Variants in TMF1 observed in about 807,000 individuals in gnomAD.
The protein encoded by TMF1 is TATA element modulatory factor.
A neutral mutation model predicts 126.5 loss-of-function variants in TMF1; 71 were observed. That is an observed-to-expected ratio of 0.56 (90% CI 0.46 to 0.68). The LOEUF (loss-of-function observed/expected upper bound fraction) is 0.68, where lower values mean the gene tolerates loss of function less well. Among genes scored for constraint, TMF1 ranks in the 30% least tolerant of loss-of-function variants. The pLI is 0.00. For missense variants in TMF1, 1,259 were observed against 1,253.2 expected, an observed-to-expected ratio of 1.00 and a Z score of -0.07; for synonymous variants, 461 against 430.5, an observed-to-expected ratio of 1.07 and a Z score of -0.88.
intron 9 of TMF1, 107 bp downstream of exon 9, chr3:69,034,916 G>A: frequency 9.9e-7 from 1 of 1,009,744 alleles, no homozygotes; most frequent in Non-Finnish European, 1.5e-6. Flanking sequence ...TGCTAGGTGT[G>A]ACAGTAATCC....
Position 69,052,288 on chromosome 3 carries a change from G to C in TMF1, c.-202C>G. 3 of 475,834 alleles carry C rather than the reference G, an allele frequency of 6.3e-6. No individual in the cohort carries two copies. The highest frequency in any genetic ancestry group is 1.1e-5 in the Non-Finnish European group (3 of 271,088). The allele number at this position is 475,834 out of a possible 1,614,324, so 29.5% of individuals were successfully genotyped here. A position where few individuals can be genotyped will look rare whatever the true frequency, so the allele number is the denominator to read the frequency against. On this transcript the variant is annotated 5_prime_UTR_variant, in exon 1 of 17. Coordinates refer to ENST00000398559, the MANE Select transcript of TMF1 (RefSeq NM_007114.3). ...CACAGCTGAGACGAAGGGGGCCCAT[G>C]TGCGCATGCGCTTGCTTCTTCCACG...
chr3:69,030,183 C>A, intron 10 of TMF1, 176 bp from the exon 11 acceptor site: 1 of 487,082 alleles, frequency 2.1e-6, no homozygotes, highest in East Asian at 3.2e-5. Flanking sequence ...TTAACTTATA[C>A]CTGCTTTATC....
Position 69,048,796 on chromosome 3 carries a change from CA to C in TMF1, c.143-235del, listed in dbSNP as rs2091910796. The C allele has an allele frequency of 7.6e-6, 3 of 394,760 alleles. No individual in the cohort carries two copies. In the East Asian group the frequency reaches 1.3e-4, roughly 17 times the overall value. The allele number at this position is 394,760 out of a possible 1,614,324, so 24.5% of individuals were successfully genotyped here. The stretch of plus-strand genomic sequence containing the variant: ...ACCTGAGAGGAAGGAGGAGCACAGA[CA>C]AAAGACTGGGCCTGGCCTGGACTAC... On this transcript the variant is annotated intron_variant, in intron 1 of 16. Transcript: ENST00000398559.
At chr3:69,051,741 G>A (rs1171959891) in intron 1 of TMF1, among the ~76,000 whole-genome samples, 3 of 152,088 alleles carry the variant, frequency 2.0e-5, no homozygotes, top group African/African-American at 7.2e-5. Context: ...AAAGACAAGG[G>A]GGAACCTGGA....
Position 69,025,618 on chromosome 3 carries a change from A to G in TMF1, c.2954T>C (p.Ile985Thr). 1 of 1,614,108 alleles carries G rather than the reference A, an allele frequency of 6.2e-7. No individual in the cohort carries two copies. Among genetic ancestry groups the G allele is most frequent in the Non-Finnish European group, 8.5e-7 (1 of 1,179,978 alleles). Reference protein sequence around the residue: ...DAVRMGAGSSIIENLQSQLKL... With the variant: ...DAVRMGAGSSTIENLQSQLKL... ...TAGCTGAGACTGTAGGTTTTCAATTATGCTTGATCCTGCTCCCATCCTTAC... is the reference window on the plus strand; with the variant it reads ...TAGCTGAGACTGTAGGTTTTCAATTGTGCTTGATCCTGCTCCCATCCTTAC... Residue 985 changes from isoleucine (I) to threonine (T), a missense_variant, in exon 15 of 17, where the codon ATA (isoleucine) becomes ACA (threonine). Transcript: ENST00000398559.
intron 6 of TMF1, among the ~76,000 whole-genome samples, chr3:69,039,272 C>A (rs1395497429): frequency 6.6e-6 from 1 of 151,950 alleles, no homozygotes; most frequent in African/African-American, 2.4e-5. Context: ...TAGGTTGGTG[C>A]AGTATTTTTA....
chr3:69,024,239 G>C, intron 15 of TMF1, 59 bp from the exon 16 acceptor site: 1 of 1,220,494 alleles, frequency 8.2e-7, no homozygotes, highest in Non-Finnish European at 1.1e-6. Context: ...AATACTCCCA[G>C]TAATATAAAA....
intron 1 of TMF1, 77 bp from the exon 2 acceptor site, chr3:69,048,639 A>G: frequency 7.8e-7 from 1 of 1,284,788 alleles, no homozygotes; most frequent in Non-Finnish European, 1.0e-6. Context: ...ATAAATCAGT[A>G]TAAATATAAA....
intron 13 of TMF1, among the ~76,000 whole-genome samples, chr3:69,027,170 A>T (rs1465221657): frequency 6.6e-6 from 1 of 151,868 alleles, no homozygotes; most frequent in Non-Finnish European, 1.5e-5. Context: ...TAATTTTTGT[A>T]TTTTTAGTAG....
At chr3:69,029,677 G>C (rs565799521) in intron 11 of TMF1, 138 bp downstream of exon 11, 1 of 729,818 alleles carries the variant, frequency 1.4e-6, no homozygotes, top group Non-Finnish European at 2.2e-6. Context: ...CTGACCTCAA[G>C]TGATCCGCCC....
chr3:69,024,303 T>C, intron 15 of TMF1, 123 bp from the exon 16 acceptor site: 1 of 867,176 alleles, frequency 1.2e-6, no homozygotes, highest in Non-Finnish European at 1.7e-6. Flanking sequence ...CATGTCAACA[T>C]ATAACCTTGA....
At chr3:69,029,520 C>G (rs1362545520) in intron 11 of TMF1, among the ~76,000 whole-genome samples, 2 of 151,684 alleles carry the variant, frequency 1.3e-5, no homozygotes, top group Admixed American at 1.3e-4. Context: ...TCTTGGCTCA[C>G]TGCAACTTCC....
At chr3:69,030,526 A>G in intron 10 of TMF1, 1 of 152,420 alleles carries the variant, frequency 6.6e-6, no homozygotes. Context: ...AAGAGGATGA[A>G]AAGGCAAACT....
At chr3:69,039,436 T>C in intron 6 of TMF1, 115 bp downstream of exon 6, 3 of 1,180,100 alleles carry the variant, frequency 2.5e-6, no homozygotes, top group Non-Finnish European at 3.5e-6. Context: ...GTTTGAAAAA[T>C]CCTTCTTACA....
In TMF1 at chr3:69,042,791, C is replaced by A. The variant is rs748901427; in HGVS notation, c.1684+16G>T. Reference sequence around the variant, plus strand: ...TCTTACAGTATTTTTCATAGTCAACCAAATACTATACGCACCTTCTTCCAT... The same window carrying A: ...TCTTACAGTATTTTTCATAGTCAACAAAATACTATACGCACCTTCTTCCAT... On this transcript the variant is annotated intron_variant, in intron 5 of 16. Coordinates refer to ENST00000398559, the MANE Select transcript of TMF1 (RefSeq NM_007114.3). The A allele has an allele frequency of 2.2e-5, 35 of 1,598,764 alleles. No homozygotes were observed. Among genetic ancestry groups the A allele is most frequent in the South Asian group, 4.4e-5 (4 of 90,446 alleles).
Position 69,026,003 on chromosome 3 carries a change from A to G in TMF1, c.2852T>C (p.Leu951Pro), listed in dbSNP as rs771294958. The G allele has an allele frequency of 1.2e-6, 2 of 1,610,764 alleles. No homozygotes were observed. Among genetic ancestry groups the G allele is most frequent in the South Asian group, 1.1e-5 (1 of 90,614 alleles). ...TAAAAAATAAAACATCACCTGAGAC[A>G]GAAAAGATGTCTGTAGTCCTGCCAT... The part of the protein sequence containing the change: ...VDMAGLQTSF[L>P]SQDESHDHSF... The change falls in exon 14 of 17, where the codon CTG becomes CCG. Residue 951 changes from leucine (L) to proline (P), a missense_variant. Coordinates refer to ENST00000398559, the MANE Select transcript of TMF1 (RefSeq NM_007114.3).
intron 10 of TMF1, among the ~76,000 whole-genome samples, chr3:69,032,262 A>AC (rs948331012): frequency 4.6e-5 from 7 of 152,008 alleles, no homozygotes; most frequent in South Asian, 2.1e-4. Context: ...AATCTAGTTC[A>AC]CCCCCCCGAT....
At chr3:69,033,146 C>A (rs539359433) in intron 10 of TMF1, among the ~76,000 whole-genome samples, 1 of 151,650 alleles carries the variant, frequency 6.6e-6, no homozygotes, top group Non-Finnish European at 1.5e-5. Flanking sequence ...TGGTGGCAGA[C>A]GCCTGTAATC....
chr3:69,025,647 A>G lies in TMF1; in HGVS notation c.2925T>C (p.Asp975=). 1 of 1,614,082 alleles carries G rather than the reference A, an allele frequency of 6.2e-7. No homozygotes were observed. Among genetic ancestry groups the G allele is most frequent in the South Asian group, 1.1e-5 (1 of 91,084 alleles). ...TTGATCCTGCTCCCATCCTTACAGC[A>G]TCATAAAGATTGCTTCCATTTGCTG... ...PISANGSNLY[D]AVRMGAGSSI... Residue 975 remains aspartate, a synonymous_variant, in exon 15 of 17, where the codon GAT becomes GAC. Transcript: ENST00000398559.
Sources: allele counts gnomAD v4.1 joint callset (sites outside exome capture counted in the v4.1 genomes callset), GRCh38; gene constraint gnomAD v4.1.1; transcripts MANE v1.5; gene names NCBI Gene and HGNC (gene_info 2026-07-23, HGNC 2026-07-21).